The following TNR variants were observed in gnomAD, a reference collection of about 807,000 sequenced individuals.
The protein encoded by TNR is tenascin-R.
TNR carries 45 observed loss-of-function variants against 150.4 expected under a neutral mutation model. That is an observed-to-expected ratio of 0.30 (90% CI 0.24 to 0.38). TNR has a LOEUF of 0.38. TNR is among the 10% of genes least tolerant of loss of function. The pLI is 1.00. For synonymous variants in TNR, 687 were observed against 678.4 expected (o/e 1.01, Z -0.20); for missense variants, 1,544 against 1,759.1 (o/e 0.88, Z 2.19).
At chr1:175,628,964 C>T (rs1664242891) in intron 1 of TNR, among the ~76,000 whole-genome samples, 1 of 152,138 alleles carries the variant, frequency 6.6e-6, no homozygotes, top group African/African-American at 2.4e-5. Flanking sequence ...TTTAATTTTA[C>T]CTTGTGCTCT....
At chr1:175,625,402 C>T (rs535152763) in intron 1 of TNR, among the ~76,000 whole-genome samples, 6 of 152,148 alleles carry the variant, frequency 3.9e-5, no homozygotes, top group African/African-American at 7.2e-5. Flanking sequence ...GGTGTTGGCT[C>T]GCTGGCACTA....
At chr1:175,713,725 T>C (rs914131236) in intron 1 of TNR, among the ~76,000 whole-genome samples, 17 of 152,132 alleles carry the variant, frequency 1.1e-4, no homozygotes, top group Admixed American at 4.6e-4. Flanking sequence ...GAGTGACATT[T>C]CTCTGAGAAA....
At chr1:175,700,351 A>G (rs1276049529) in intron 1 of TNR, among the ~76,000 whole-genome samples, 1 of 152,144 alleles carries the variant, frequency 6.6e-6, no homozygotes, top group African/African-American at 2.4e-5. Context: ...GCACCTTCTG[A>G]CGCATGCCAC....
chr1:175,604,813 T>C (rs1007389532), intron 1 of TNR, among the ~76,000 whole-genome samples: 3 of 152,164 alleles, frequency 2.0e-5, no homozygotes, highest in African/African-American at 7.2e-5. Flanking sequence ...CTGTCACCCT[T>C]TGCCGCAGCG....
chr1:175,470,041 TG>T (rs1225604855), intron 2 of TNR, among the ~76,000 whole-genome samples: 1 of 152,138 alleles, frequency 6.6e-6, no homozygotes, highest in Non-Finnish European at 1.5e-5. Flanking sequence ...CTAACTGGCA[TG>T]GTTGGTATAA....
At chr1:175,733,627 A>G (rs965607591) in intron 1 of TNR, among the ~76,000 whole-genome samples, 15 of 152,216 alleles carry the variant, frequency 9.9e-5, no homozygotes, top group African/African-American at 3.6e-4. Context: ...TAACTCAGGC[A>G]CAGTGCCTCA....
intron 13 of TNR, 110 bp from the exon 14 acceptor site, chr1:175,362,919 G>T (rs1366395323): frequency 6.0e-6 from 8 of 1,326,332 alleles, no homozygotes; most frequent in Non-Finnish European, 6.3e-6. Context: ...TCCGCACTCA[G>T]TGGGGAGGGA....
chr1:175,717,327 T>A (rs1667181839), intron 1 of TNR, among the ~76,000 whole-genome samples: 1 of 152,158 alleles, frequency 6.6e-6, no homozygotes, highest in African/African-American at 2.4e-5. Flanking sequence ...AAAAACTAAC[T>A]ATTGGGTACT....
At chr1:175,623,606 A>G (rs1044093321) in intron 1 of TNR, among the ~76,000 whole-genome samples, 1 of 152,226 alleles carries the variant, frequency 6.6e-6, no homozygotes, top group African/African-American at 2.4e-5. Flanking sequence ...TTCCCCAGGC[A>G]TTTGTATATA....
intron 2 of TNR, among the ~76,000 whole-genome samples, chr1:175,471,882 C>T (rs1200878852): frequency 1.3e-5 from 2 of 152,084 alleles, no homozygotes; most frequent in Non-Finnish European, 2.9e-5. Context: ...ACATGATACA[C>T]CTGTACAAAA....
intron 1 of TNR, among the ~76,000 whole-genome samples, chr1:175,541,625 G>A (rs940881421): frequency 1.3e-5 from 2 of 151,874 alleles, no homozygotes; most frequent in African/African-American, 4.8e-5. Flanking sequence ...ACTGAATCTG[G>A]GGCTGAAAAA....
At chr1:175,363,922 T>C in intron 12 of TNR, 95 bp from the exon 13 acceptor site, 1 of 1,455,480 alleles carries the variant, frequency 6.9e-7, no homozygotes, top group South Asian at 1.4e-5. Context: ...AAGCCAATGT[T>C]GTCCCAAAGG....
intron 1 of TNR, among the ~76,000 whole-genome samples, chr1:175,635,792 C>T (rs958705143): frequency 6.6e-5 from 10 of 152,158 alleles, no homozygotes; most frequent in African/African-American, 2.2e-4. Flanking sequence ...CATCGAGCCC[C>T]ACAGATTACA....
rs565530894 is a variant in TNR, at chr1:175,643,867, A to G, written c.-165+99359T>C. 2.6e-5 allele frequency among the ~76,000 whole-genome samples: 4 copies of G among 152,338 alleles called. No individual in the cohort carries two copies. The South Asian group carries it at 6.2e-4, about 24-fold the overall frequency. On this transcript the variant is annotated intron_variant, in intron 1 of 22. Transcript: ENST00000367674. Reference sequence around the variant, plus strand: ...GAAAACAAAATGTTATAAGACAACAACCAGTCATTTGATGCATCCTGATTG... The same window carrying G: ...GAAAACAAAATGTTATAAGACAACAGCCAGTCATTTGATGCATCCTGATTG...
At chr1:175,354,585 T>C (rs917046706) in intron 17 of TNR, 62 bp from the exon 18 acceptor site, 15 of 1,608,820 alleles carry the variant, frequency 9.3e-6, no homozygotes, top group African/African-American at 2.7e-5. Context: ...TTTGGGAAAG[T>C]AGGGAAGGGA....
At chr1:175,367,712 C>G (rs1651907794) in intron 9 of TNR, among the ~76,000 whole-genome samples, 1 of 152,112 alleles carries the variant, frequency 6.6e-6, no homozygotes, top group African/African-American at 2.4e-5. Flanking sequence ...GAAAAGCATT[C>G]CTTGAATGTT....
intron 2 of TNR, among the ~76,000 whole-genome samples, chr1:175,522,614 G>T (rs1659684647): frequency 6.6e-6 from 1 of 152,084 alleles, no homozygotes; most frequent in Admixed American, 6.5e-5. Flanking sequence ...ACAATCTGTA[G>T]GCAAAACAAT....
At chr1:175,479,900 C>T (rs1657707162) in intron 2 of TNR, among the ~76,000 whole-genome samples, 1 of 152,058 alleles carries the variant, frequency 6.6e-6, no homozygotes, top group Non-Finnish European at 1.5e-5. Flanking sequence ...ACTAATCTAC[C>T]TCAAATCTCC....
intron 1 of TNR, among the ~76,000 whole-genome samples, chr1:175,691,798 T>C (rs2101918802): frequency 6.6e-6 from 1 of 152,290 alleles, no homozygotes; most frequent in Middle Eastern, 3.4e-3. Context: ...TTCAGGCTCA[T>C]TCTCTCCCTA....
Sources: allele counts gnomAD v4.1 joint callset (sites outside exome capture counted in the v4.1 genomes callset), GRCh38; gene constraint gnomAD v4.1.1; transcripts MANE v1.5; gene names NCBI Gene and HGNC (gene_info 2026-07-23, HGNC 2026-07-21).